MYO3B: variants seen among roughly 807,000 people sequenced by gnomAD.
MYO3B encodes myosin IIIB.
Under a neutral mutation model 174.6 loss-of-function variants are expected in MYO3B, and 156 were observed. That is an observed-to-expected ratio of 0.89 (90% CI 0.78 to 1.02). The LOEUF (loss-of-function observed/expected upper bound fraction) is 1.02, where lower values mean the gene tolerates loss of function less well. Among genes scored for constraint, MYO3B ranks in the 50% least tolerant of loss-of-function variants. MYO3B has a pLI of 0.00. For synonymous variants in MYO3B, 563 were observed against 569.1 expected (o/e 0.99, Z 0.15); for missense variants, 1,632 against 1,639.4 (o/e 1.00, Z 0.08).
At chr2:170,611,210 G>A (rs1231373401) in intron 32 of MYO3B, among the ~76,000 whole-genome samples, 2 of 152,104 alleles carry the variant, frequency 1.3e-5, no homozygotes, top group East Asian at 1.9e-4. Context: ...CTTATGAAGC[G>A]GAGATTTGGC....
intron 32 of MYO3B, among the ~76,000 whole-genome samples, chr2:170,614,588 T>C (rs1384481219): frequency 6.6e-6 from 1 of 152,224 alleles, no homozygotes. Context: ...CTTAATGCAC[T>C]CACAGATCAT....
rs183030933 is a variant in MYO3B at position 170,362,247 on chromosome 2, T to A, written c.816-6975T>A. Among the ~76,000 whole-genome samples, 27 of 152,350 alleles carry A rather than the reference T, an allele frequency of 1.8e-4. No homozygotes were observed. In the East Asian group the frequency reaches 3.7e-3, roughly 21 times the overall value. On this transcript the variant is annotated intron_variant, in intron 8 of 34. Transcript: ENST00000408978. The stretch of plus-strand genomic sequence containing the variant: ...TTCTTTACTTTCTTTGAGTCTTCTC[T>A]GGGTGAGAAAAGTAGATGTTCTTTA...
chr2:170,531,291 A>G lies in MYO3B; in HGVS notation c.3576-11615A>G, dbSNP rs112008270. Among the ~76,000 whole-genome samples, 94 of 152,302 alleles carry G rather than the reference A, an allele frequency of 6.2e-4. 1 individual carries two copies. The highest frequency in any genetic ancestry group is 2.1e-3 in the African/African-American group (86 of 41,570). Reference sequence around the variant, plus strand: ...CTGGAAAAAGTGTCTAGCTACCCTCAGGAATAGTGTAACCCAGCTTTTAAA... The same window carrying G: ...CTGGAAAAAGTGTCTAGCTACCCTCGGGAATAGTGTAACCCAGCTTTTAAA... On this transcript the variant is annotated intron_variant, in intron 30 of 34. Coordinates refer to ENST00000408978, the MANE Select transcript of MYO3B (RefSeq NM_138995.5).
chr2:170,243,743 G>T (rs1251072468), intron 7 of MYO3B, among the ~76,000 whole-genome samples: 1 of 152,142 alleles, frequency 6.6e-6, no homozygotes, highest in Non-Finnish European at 1.5e-5. Flanking sequence ...AGAATTGAAA[G>T]CTTCTATTCA....
intron 25 of MYO3B, among the ~76,000 whole-genome samples, chr2:170,492,874 G>A (rs999389407): frequency 6.6e-6 from 1 of 152,184 alleles, no homozygotes; most frequent in African/African-American, 2.4e-5. Context: ...CACAAACCTT[G>A]TTTTTGCTGA....
At chr2:170,263,800 TATCTC>T (rs1265845965) in intron 7 of MYO3B, among the ~76,000 whole-genome samples, 10 of 152,086 alleles carry the variant, frequency 6.6e-5, no homozygotes, top group Non-Finnish European at 1.5e-4. Context: ...GCCTTCCTCT[TATCTC>T]AACTGCAAAG....
intron 20 of MYO3B, among the ~76,000 whole-genome samples, chr2:170,405,230 G>C (rs1322987705): frequency 6.6e-6 from 1 of 152,166 alleles, no homozygotes; most frequent in Admixed American, 6.5e-5. Flanking sequence ...AAGTTGTCCA[G>C]ATGAGTTTAA....
chr2:170,627,856 AGATCAGCGAATATTGCT>A (rs1405730935), intron 32 of MYO3B, among the ~76,000 whole-genome samples: 1 of 152,174 alleles, frequency 6.6e-6, no homozygotes, highest in Admixed American at 6.5e-5. Context: ...CGGAGGGTGT[AGATCAGCGAATATTGCT>A]GAACAGCAAA....
intron 7 of MYO3B, among the ~76,000 whole-genome samples, chr2:170,237,631 C>T (rs1244155521): frequency 6.6e-6 from 1 of 152,268 alleles, no homozygotes; most frequent in Non-Finnish European, 1.5e-5. Context: ...CTAATAATCT[C>T]ATATTCTCTC....
chr2:170,452,184 T>C (rs1237558403), intron 23 of MYO3B, among the ~76,000 whole-genome samples: 1 of 151,436 alleles, frequency 6.6e-6, no homozygotes, highest in Non-Finnish European at 1.5e-5. Context: ...TAATTTCTGA[T>C]ACCCCCAAAA....
chr2:170,646,889 T>C, intron 32 of MYO3B: 1 of 1,347,804 alleles, frequency 7.4e-7, no homozygotes. Flanking sequence ...CTAACTATAT[T>C]TCTCTGTCTC....
chr2:170,225,681 G>A (rs1437633008), intron 6 of MYO3B, among the ~76,000 whole-genome samples: 1 of 152,124 alleles, frequency 6.6e-6, no homozygotes, highest in Admixed American at 6.5e-5. Flanking sequence ...AAATTTTAGA[G>A]TCAGATAGAT....
intron 32 of MYO3B, among the ~76,000 whole-genome samples, chr2:170,650,894 G>C (rs1698959064): frequency 6.8e-6 from 1 of 146,408 alleles, no homozygotes; most frequent in East Asian, 1.9e-4. Context: ...ATGTTGGCTA[G>C]GCTGGTCTCG....
intron 32 of MYO3B, among the ~76,000 whole-genome samples, chr2:170,571,353 GAGA>G (rs1203864990): frequency 6.6e-6 from 1 of 152,192 alleles, no homozygotes; most frequent in African/African-American, 2.4e-5. Context: ...AGGCTTCCAG[GAGA>G]AGATGAGACT....
chr2:170,361,293 C>T (rs1271859702), intron 8 of MYO3B, among the ~76,000 whole-genome samples: 1 of 152,148 alleles, frequency 6.6e-6, no homozygotes, highest in Non-Finnish European at 1.5e-5. Flanking sequence ...GTTGCTGGGG[C>T]TGTGTTTATC....
chr2:170,416,367 A>C (rs2094578385), intron 22 of MYO3B, among the ~76,000 whole-genome samples: 1 of 152,094 alleles, frequency 6.6e-6, no homozygotes, highest in African/African-American at 2.4e-5. Context: ...TACTAAAAAT[A>C]CAAAAAATTA....
At chr2:170,432,996 C>T (rs967485109) in intron 22 of MYO3B, among the ~76,000 whole-genome samples, 2 of 152,116 alleles carry the variant, frequency 1.3e-5, no homozygotes, top group African/African-American at 2.4e-5. Flanking sequence ...TGTCCTAGGC[C>T]TTCACATTCA....
At chr2:170,339,932 G>A (rs948105605) in intron 8 of MYO3B, among the ~76,000 whole-genome samples, 34 of 152,104 alleles carry the variant, frequency 2.2e-4, no homozygotes, top group Admixed American at 1.6e-3. Context: ...GCTTTGTAGA[G>A]ATTTCATTAT....
At chr2:170,521,561 C>T (rs1462178855) in intron 30 of MYO3B, among the ~76,000 whole-genome samples, 27 of 152,156 alleles carry the variant, frequency 1.8e-4, no homozygotes, top group Admixed American at 1.8e-3. Context: ...TTATCTTCGG[C>T]TGTCCTTCCT....
Sources: gnomAD v4.1 joint callset for allele counts (sites outside exome capture counted in the v4.1 genomes callset) on GRCh38, gnomAD v4.1.1 for gene constraint, MANE v1.5 for transcripts, NCBI Gene and HGNC (gene_info 2026-07-23, HGNC 2026-07-21) for gene names.